The following AKAP8 variants were observed in gnomAD, a reference collection of about 807,000 sequenced individuals.
The protein encoded by AKAP8 is A-kinase anchor protein 8.
Under a neutral mutation model 67.5 loss-of-function variants are expected in AKAP8, and 24 were observed. The ratio of observed to expected loss-of-function variants is 0.36; its 90% CI spans 0.26 to 0.50. AKAP8 has a LOEUF of 0.50. Among genes scored for constraint, AKAP8 ranks in the 20% least tolerant of loss-of-function variants. The probability of loss-of-function intolerance (pLI) is 0.97; values close to 1 mark genes in which losing one functional copy is unlikely to be tolerated. For synonymous variants in AKAP8, 400 were observed against 371.1 expected, an observed-to-expected ratio of 1.08 and a Z score of -0.90; for missense variants, 971 against 955.9, an observed-to-expected ratio of 1.02 and a Z score of -0.21.
At chr19:15,363,264 T>A (rs1265749384) in intron 9 of AKAP8, among the ~76,000 whole-genome samples, 7 of 121,204 alleles carry the variant, frequency 5.8e-5, no homozygotes, top group Non-Finnish European at 1.0e-4. Context: ...CCGCCCCGTC[T>A]GGGAGGTGAG....
At position 15,379,748 on chromosome 19, in the gene AKAP8, A is replaced by G; in HGVS notation, c.-17T>C. ...CTGGTCCATGTCTTCGACGCGGCCC[A>G]CCAGCAGCCCCGTTTACTAGGCGAC... On this transcript the variant is annotated 5_prime_UTR_variant, in exon 1 of 14. Coordinates refer to ENST00000269701, the MANE Select transcript of AKAP8 (RefSeq NM_005858.4). 1 of 1,611,048 alleles carries G rather than the reference A, an allele frequency of 6.2e-7. No individual in the cohort carries two copies.
chr19:15,362,309 G>C, intron 9 of AKAP8, 58 bp from the exon 10 acceptor site: 2 of 1,594,448 alleles, frequency 1.3e-6, no homozygotes, highest in Non-Finnish European at 1.7e-6. Context: ...GTGAAGCAGG[G>C]GGCATCAGCT....
At chr19:15,363,576 G>A (rs1298000445) in intron 9 of AKAP8, among the ~76,000 whole-genome samples, 4 of 148,662 alleles carry the variant, frequency 2.7e-5, no homozygotes, top group African/African-American at 9.9e-5. Context: ...CCGTCCAGGA[G>A]GTGAGGGGCG....
intron 4 of AKAP8, 132 bp from the exon 5 acceptor site, chr19:15,373,472 G>A: frequency 7.3e-7 from 1 of 1,378,262 alleles, no homozygotes; most frequent in African/African-American, 1.5e-5. Flanking sequence ...TAAGTGCTGG[G>A]ATGACCAAAA....
chr19:15,377,026 C>A lies in AKAP8; in HGVS notation c.20-12G>T, dbSNP rs779467185. The stretch of plus-strand genomic sequence containing the variant: ...CCACGCCCCGTAGCCTGCAAGAAGA[C>A]CCCGTGAGTTAAAATTCTATTTGTC... On this transcript the variant is annotated splice_polypyrimidine_tract_variant and intron_variant, in intron 1 of 13. Transcript: ENST00000269701. 10 of 1,612,520 alleles carry A rather than the reference C, an allele frequency of 6.2e-6. No individual in the cohort carries two copies. In the Middle Eastern group the frequency reaches 9.9e-4, roughly 159 times the overall value.
chr19:15,357,370 A>T (rs1424701168), intron 13 of AKAP8, among the ~76,000 whole-genome samples: 1 of 130,106 alleles, frequency 7.7e-6, no homozygotes, highest in African/African-American at 2.9e-5. Flanking sequence ...CAGAGCTTGC[A>T]GTGAGCCGGG....
rs1028222887 is a variant in AKAP8, at chr19:15,369,796, A to G, written c.1072+350T>C. Among the ~76,000 whole-genome samples the G allele has an allele frequency of 2.0e-5, 3 of 152,226 alleles. No individual in the cohort carries two copies. The highest frequency in any genetic ancestry group is 2.9e-5 in the Non-Finnish European group (2 of 68,038). ...GCCCCAGAGAAAACACTTCAGGGAAATGCACTGGCCGAGGAGGGCACAGAA... is the reference window on the plus strand; with the variant it reads ...GCCCCAGAGAAAACACTTCAGGGAAGTGCACTGGCCGAGGAGGGCACAGAA... On this transcript the variant is annotated intron_variant, in intron 8 of 13. Transcript: ENST00000269701. The surrounding 1 kb of genome is among the most constrained non-coding windows in gnomAD (Gnocchi z 4.6).
intron 12 of AKAP8, among the ~76,000 whole-genome samples, chr19:15,360,087 A>G (rs1966941462): frequency 6.6e-6 from 1 of 152,100 alleles, no homozygotes; most frequent in Non-Finnish European, 1.5e-5. Context: ...GTGAACTGAG[A>G]TCGTGCCACT....
rs1172520899 is a variant in AKAP8 at position 15,361,014 on chromosome 19, A to G, written c.1397-36T>C. 3.7e-6 allele frequency: 6 copies of G among 1,601,376 alleles called. No homozygotes were observed. The African/African-American group carries it at 8.0e-5, about 21-fold the overall frequency. On this transcript the variant is annotated intron_variant, in intron 11 of 13. Coordinates refer to ENST00000269701, the MANE Select transcript of AKAP8 (RefSeq NM_005858.4). ...ACGCATGTCTTGTAGGATCTGGGAC[A>G]GCAAGTGATGCTTTCCTCCTACTCC...
In AKAP8 at chr19:15,377,759, C is replaced by T. The variant is rs1254390869; in HGVS notation, c.20-745G>A. On this transcript the variant is annotated intron_variant, in intron 1 of 13. Transcript: ENST00000269701. ...CTGGGATTACAGGCGTGAGTCACCG[C>T]GCCAGGCCCTTCCTGCCACTTTTAA... is the stretch of plus-strand genomic sequence containing the variant. Among the ~76,000 whole-genome samples the T allele has an allele frequency of 3.9e-5, 6 of 152,226 alleles. No homozygotes were observed. In the East Asian group the frequency reaches 7.7e-4, roughly 20 times the overall value.
chr19:15,355,516 TCAGAGCCTACAGATTCAGAAAA>T, intron 13 of AKAP8, 146 bp from the exon 14 acceptor site: 7 of 793,706 alleles, frequency 8.8e-6, no homozygotes, highest in Non-Finnish European at 1.2e-5. Context: ...CTACATGTTC[TCAGAGCCTACAGATTCAGAAAA>T]CACCTCGGGG....
chr19:15,358,293 A>G (rs559591429), intron 13 of AKAP8, among the ~76,000 whole-genome samples: 2 of 151,806 alleles, frequency 1.3e-5, no homozygotes, highest in Admixed American at 1.3e-4. Context: ...CCTCACTGTC[A>G]GTTGGCTCTA....
chr19:15,364,134 A>T (rs1327369075), intron 9 of AKAP8, among the ~76,000 whole-genome samples: 2 of 113,662 alleles, frequency 1.8e-5, no homozygotes, highest in African/African-American at 3.1e-5. Flanking sequence ...AAGAAACAGG[A>T]TTTTCAGTAA....
At position 15,373,043 on chromosome 19, in the gene AKAP8, G is replaced by C. The variant is rs760835527; in HGVS notation, c.669C>G (p.Pro223=). The C allele has an allele frequency of 2.5e-6, 4 of 1,600,478 alleles. No individual in the cohort carries two copies. The East Asian group carries it at 9.0e-5, about 36-fold the overall frequency. Residue 223 remains proline, a synonymous_variant, in exon 5 of 14, where the codon CCC becomes CCG. Coordinates refer to ENST00000269701, the MANE Select transcript of AKAP8 (RefSeq NM_005858.4). ...PAASSEPLST[P]WNELNYVGGR... is the part of the protein sequence containing the mutation. ...CACCCACGTAGTTCAGCTCGTTCCA[G>C]GGCGTGGACAGGGGCTCAGAGGACG... is the stretch of plus-strand genomic sequence containing the variant.
intron 8 of AKAP8, chr19:15,368,844 C>T (rs1967110109): frequency 1.0e-6 from 1 of 985,232 alleles, no homozygotes; most frequent in Non-Finnish European, 1.2e-6. Context: ...GCTGGCCCGA[C>T]CTCTATCTTC....
chr19:15,366,073 A>T (rs1352989545), intron 9 of AKAP8, among the ~76,000 whole-genome samples: 2 of 116,506 alleles, frequency 1.7e-5, no homozygotes, highest in Non-Finnish European at 3.4e-5. Context: ...ACTAGCGCAC[A>T]CTCTGAAGGT....
intron 9 of AKAP8, among the ~76,000 whole-genome samples, chr19:15,366,099 TAAAAAAAGTCACC>T (rs1967063891): frequency 1.2e-5 from 1 of 83,828 alleles, no homozygotes; most frequent in Non-Finnish European, 2.3e-5. Context: ...TTTTTTTTTT[TAAAAAAAGTCACC>T]TGTTCATTGG....
intron 2 of AKAP8, among the ~76,000 whole-genome samples, chr19:15,376,344 G>A (rs1310134811): frequency 6.6e-6 from 1 of 152,118 alleles, no homozygotes; most frequent in Non-Finnish European, 1.5e-5. Flanking sequence ...GTAAAACCCT[G>A]TCTCTACTAA....
intron 12 of AKAP8, among the ~76,000 whole-genome samples, chr19:15,360,562 G>A (rs1966948091): frequency 1.3e-5 from 2 of 152,134 alleles, no homozygotes; most frequent in Non-Finnish European, 2.9e-5. Flanking sequence ...ATGGCCCTTC[G>A]GTCTCAGCTT....
Sources: gnomAD v4.1 joint callset for allele counts (sites outside exome capture counted in the v4.1 genomes callset) on GRCh38, gnomAD v4.1.1 for gene constraint, Gnocchi (gnomAD v3.1) non-coding constraint, MANE v1.5 for transcripts, NCBI Gene and HGNC (gene_info 2026-07-23, HGNC 2026-07-21) for gene names.